CEP152: variants seen among roughly 807,000 people sequenced by gnomAD.
CEP152 encodes centrosomal protein of 152 kDa.
CEP152 carries 132 observed loss-of-function variants against 188.9 expected under a neutral mutation model. The ratio of observed to expected loss-of-function variants is 0.70; its 90% confidence interval spans 0.61 to 0.81. The LOEUF (loss-of-function observed/expected upper bound fraction) is 0.81, where lower values mean the gene tolerates loss of function less well. CEP152 is among the 30% of genes least tolerant of loss of function. CEP152 has a pLI of 0.00. For missense variants in CEP152, 1,914 were observed against 1,969.8 expected (o/e 0.97, Z 0.54); for synonymous variants, 649 against 666.6 (o/e 0.97, Z 0.41).
intron 15 of CEP152, 42 bp downstream of exon 15, chr15:48,768,177 G>C (rs746426308): frequency 1.8e-6 from 2 of 1,142,232 alleles, no homozygotes; most frequent in Non-Finnish European, 2.7e-6. Context: ...AGAGGGGAAG[G>C]GTACCCAGGA....
chr15:48,735,608 G>C (rs534569371), downstream of CEP152, among the ~76,000 whole-genome samples: 1 of 152,156 alleles, frequency 6.6e-6, no homozygotes, highest in Non-Finnish European at 1.5e-5. Context: ...GGCGGCACAC[G>C]CCTGTAGTCC....
Position 48,744,940 on chromosome 15 carries a change from C to A in CEP152, c.3687G>T (p.Lys1229Asn). The change falls in exon 23 of 27, where the codon AAG becomes AAT. Residue 1229 changes from lysine to asparagine, a missense_variant. Lys to Asn is a moderately conservative substitution (Grantham distance 94, BLOSUM62 0). Coordinates refer to ENST00000380950, the MANE Select transcript of CEP152 (RefSeq NM_001194998.2). ...GTGTTTGCAATTCTTCCAATTTATTCTTCATGTCGTTGTTTTCTTCTATTA... is the reference window on the plus strand; with the variant it reads ...GTGTTTGCAATTCTTCCAATTTATTATTCATGTCGTTGTTTTCTTCTATTA... ...EELIEENNDM[K>N]NKLEELQTLC... The A allele has an allele frequency of 6.2e-7, 1 of 1,610,792 alleles. No homozygotes were observed. The highest frequency in any genetic ancestry group is 8.5e-7 in the Non-Finnish European group (1 of 1,178,926).
chr15:48,737,353 G>A (rs780908179), downstream of CEP152, among the ~76,000 whole-genome samples: 5 of 152,204 alleles, frequency 3.3e-5, no homozygotes, highest in Non-Finnish European at 5.9e-5. Context: ...CATACCCATC[G>A]CTAGGGATCT....
chr15:48,788,330 T>C lies in CEP152; in HGVS notation c.1173+471A>G, dbSNP rs1359076974. ...AGATTAAAATATCACTGGCTTCTTT[T>C]TTTTTTTTTTTTTTTTTTGGGGAGA... On this transcript the variant is annotated intron_variant, in intron 9 of 26. Coordinates refer to ENST00000380950, the MANE Select transcript of CEP152 (RefSeq NM_001194998.2). Among the ~76,000 whole-genome samples the C allele has an allele frequency of 7.2e-5, 10 of 138,952 alleles. No individual in the cohort carries two copies. The East Asian group carries it at 1.9e-3, about 26-fold the overall frequency. The allele number at this position is 138,952 out of a possible 152,430, so 91.2% of individuals were successfully genotyped here.
chr15:48,772,209 G>C (rs1895581954), intron 13 of CEP152, among the ~76,000 whole-genome samples: 1 of 152,138 alleles, frequency 6.6e-6, no homozygotes, highest in Admixed American at 6.5e-5. Flanking sequence ...CCAGGAGTTT[G>C]AGACCAGCCT....
At chr15:48,752,193 A>G (rs1412121448) in intron 21 of CEP152, among the ~76,000 whole-genome samples, 156 bp downstream of exon 21, 1 of 152,250 alleles carries the variant, frequency 6.6e-6, no homozygotes, top group East Asian at 1.9e-4. Context: ...TAACCCTCTT[A>G]TCTAAATACA....
At chr15:48,735,707 C>T (rs944244288), downstream of CEP152, among the ~76,000 whole-genome samples, 7 of 152,004 alleles carry the variant, frequency 4.6e-5, no homozygotes, top group African/African-American at 9.7e-5. Flanking sequence ...TTCACTCCAG[C>T]CTGGCGACAG....
At chr15:48,771,739 G>T (rs1474836593) in intron 13 of CEP152, among the ~76,000 whole-genome samples, 1 of 152,140 alleles carries the variant, frequency 6.6e-6, no homozygotes, top group Non-Finnish European at 1.5e-5. Flanking sequence ...AGTCAAAAAT[G>T]CATTTAATGC....
At chr15:48,789,065 T>C in intron 8 of CEP152, 64 bp from the exon 9 acceptor site, 1 of 1,396,364 alleles carries the variant, frequency 7.2e-7, no homozygotes, top group Non-Finnish European at 1.0e-6. Flanking sequence ...CTCTGTGCTG[T>C]CTATAAACTT....
chr15:48,736,329 G>A (rs1410861097), downstream of CEP152, among the ~76,000 whole-genome samples: 1 of 152,118 alleles, frequency 6.6e-6, no homozygotes. Flanking sequence ...GCAAGACAGA[G>A]AGCATGGGAA....
chr15:48,805,159 ATTACT>A (rs1897895921), intron 2 of CEP152, among the ~76,000 whole-genome samples: 1 of 152,158 alleles, frequency 6.6e-6, no homozygotes, highest in Non-Finnish European at 1.5e-5. Context: ...ACTCACTCAA[ATTACT>A]TTACTCACTT....
chr15:48,805,234 G>C (rs1399387390), intron 2 of CEP152, among the ~76,000 whole-genome samples: 1 of 152,172 alleles, frequency 6.6e-6, no homozygotes, highest in Non-Finnish European at 1.5e-5. Context: ...AAAGAGCCTT[G>C]TCAGACTTGT....
intron 1 of CEP152, among the ~76,000 whole-genome samples, chr15:48,807,295 A>G (rs1859996719): frequency 6.6e-6 from 1 of 152,244 alleles, no homozygotes; most frequent in African/African-American, 2.4e-5. Flanking sequence ...TGTAACATGA[A>G]ATGGTGAGGG....
In CEP152 at chr15:48,784,097, T is replaced by C. The variant is rs912679025; in HGVS notation, c.1197A>G (p.Lys399=). ...KEQEDICSRL[K]DHVKQLERNQ... ...TCCTTTCCAGTTGTTTCACGTGATC[T>C]TTCAGACGAGAGCAAATGTCTTCCT... Residue 399 remains lysine (K), a synonymous_variant, in exon 10 of 27, where the codon AAA becomes AAG. Transcript: ENST00000380950. 1.9e-6 allele frequency: 3 copies of C among 1,613,582 alleles called. No individual in the cohort carries two copies. The highest frequency in any genetic ancestry group is 2.7e-5 in the African/African-American group (2 of 74,902).
chr15:48,740,428 A>G (rs1486232281), intron 26 of CEP152: 1 of 152,008 alleles, frequency 6.6e-6, no homozygotes, highest in East Asian at 1.9e-4. Flanking sequence ...AATAACTTAT[A>G]TGAGTTTAAC....
chr15:48,787,520 T>A (rs1264425367), intron 9 of CEP152, among the ~76,000 whole-genome samples: 1 of 151,568 alleles, frequency 6.6e-6, no homozygotes, highest in African/African-American at 2.4e-5. Flanking sequence ...AAATTCACAA[T>A]TTTTTTATAT....
intron 12 of CEP152, among the ~76,000 whole-genome samples, chr15:48,776,871 A>T (rs544628274): frequency 9.9e-5 from 15 of 152,148 alleles, no homozygotes; most frequent in Admixed American, 7.9e-4. Context: ...TGTATTTTCT[A>T]ATTTTTTCAT....
At chr15:48,805,420 C>T in intron 2 of CEP152, 143 bp downstream of exon 2, 1 of 1,117,256 alleles carries the variant, frequency 9.0e-7, no homozygotes, top group Non-Finnish European at 1.2e-6. Context: ...GTCTAAATAG[C>T]AAGCAGATTT....
At chr15:48,766,793 T>G (rs1448429557) in intron 17 of CEP152, among the ~76,000 whole-genome samples, 1 of 152,014 alleles carries the variant, frequency 6.6e-6, no homozygotes, top group Non-Finnish European at 1.5e-5. Flanking sequence ...GATCCTTTTT[T>G]TTTTTTTGCC....
Sources: gnomAD v4.1 joint callset for allele counts (sites outside exome capture counted in the v4.1 genomes callset) on GRCh38, gnomAD v4.1.1 for gene constraint, MANE v1.5 for transcripts, NCBI Gene and HGNC (gene_info 2026-07-23, HGNC 2026-07-21) for gene names.